The following LRRC4C variants were observed in gnomAD, a reference collection of about 807,000 sequenced individuals.
LRRC4C encodes the protein leucine-rich repeat-containing protein 4C.
In LRRC4C, 5 loss-of-function variants were observed where a neutral mutation model predicts 33.6. The ratio of observed to expected loss-of-function variants is 0.15; its 90% CI spans 0.08 to 0.31. LRRC4C has a LOEUF of 0.31. Ranked by LOEUF, LRRC4C falls within the 10% of genes least tolerant of loss-of-function variation. LRRC4C has a pLI of 1.00. For missense variants in LRRC4C, 560 were observed against 796.7 expected (o/e 0.70, Z 3.58); for synonymous variants, 329 against 302.0 (o/e 1.09, Z -0.93).
intron 1 of LRRC4C, chr11:41,424,043 T>C (rs1047242200): frequency 1.3e-4 from 20 of 152,074 alleles, no homozygotes; most frequent in African/African-American, 4.6e-4. Context: ...TTATCAGCAG[T>C]GTCAAACCAG....
At chr11:40,193,640 G>A (rs955379363) in intron 5 of LRRC4C, among the ~76,000 whole-genome samples, 1 of 152,004 alleles carries the variant, frequency 6.6e-6, no homozygotes, top group African/African-American at 2.4e-5. Flanking sequence ...TCAGAAGGTG[G>A]GTAATAACAA....
At chr11:40,167,731 T>C (rs561278720) in intron 5 of LRRC4C, among the ~76,000 whole-genome samples, 6 of 152,164 alleles carry the variant, frequency 3.9e-5, no homozygotes, top group Middle Eastern at 3.4e-3. Flanking sequence ...GGAAGTCTCT[T>C]GTGGTAGGGC....
intron 1 of LRRC4C, among the ~76,000 whole-genome samples, chr11:41,241,277 G>T (rs1213317833): frequency 6.6e-6 from 1 of 152,046 alleles, no homozygotes; most frequent in East Asian, 1.9e-4. Context: ...ATCATATCCT[G>T]GTGTTCAAAT....
chr11:41,103,989 T>A (rs915464396), intron 1 of LRRC4C, among the ~76,000 whole-genome samples: 3 of 151,910 alleles, frequency 2.0e-5, no homozygotes, highest in African/African-American at 7.2e-5. Flanking sequence ...TCAGAATGGA[T>A]GATAGAACTA....
At chr11:40,497,086 T>A (rs923250422) in intron 3 of LRRC4C, among the ~76,000 whole-genome samples, 1 of 151,930 alleles carries the variant, frequency 6.6e-6, no homozygotes, top group East Asian at 1.9e-4. Flanking sequence ...GGAAGAGAAG[T>A]GTGGTAGGCA....
At chr11:41,101,310 A>G (rs1365618577) in intron 1 of LRRC4C, among the ~76,000 whole-genome samples, 1 of 151,850 alleles carries the variant, frequency 6.6e-6, no homozygotes, top group Admixed American at 6.6e-5. Flanking sequence ...AATTTACAAG[A>G]AAAAAAACCA....
At chr11:40,805,455 C>T (rs1951203712) in intron 2 of LRRC4C, among the ~76,000 whole-genome samples, 2 of 152,100 alleles carry the variant, frequency 1.3e-5, no homozygotes, top group Non-Finnish European at 2.9e-5. Context: ...ATTTGAGTCA[C>T]TTTTCTTTTT....
At chr11:41,145,632 T>A (rs956350774) in intron 1 of LRRC4C, among the ~76,000 whole-genome samples, 2 of 152,130 alleles carry the variant, frequency 1.3e-5, no homozygotes, top group African/African-American at 4.8e-5. Flanking sequence ...TTGTTGACCC[T>A]CCCATATAGT....
chr11:41,170,624 A>T (rs1032522746), intron 1 of LRRC4C, among the ~76,000 whole-genome samples: 2 of 152,230 alleles, frequency 1.3e-5, no homozygotes, highest in Non-Finnish European at 2.9e-5. Context: ...TTAAAGACTT[A>T]AATGTTAGAC....
In LRRC4C at chr11:41,123,256, G is replaced by GTTTTTTTTTTTTTTTTTTTTTT. The variant is rs1456350828; in HGVS notation, c.-495-189534_-495-189533insAAAAAAAAAAAAAAAAAAAAAA. Among the ~76,000 whole-genome samples, 2 of 107,160 alleles carry GTTTTTTTTTTTTTTTTTTTTTT rather than the reference G, an allele frequency of 1.9e-5. 1 individual carries two copies. Among genetic ancestry groups the GTTTTTTTTTTTTTTTTTTTTTT allele is most frequent in the African/African-American group, 7.9e-5 (2 of 25,330 alleles). 70.3% of individuals were successfully genotyped at this position (107,160 alleles called of 152,430 possible). On this transcript the variant is annotated intron_variant, in intron 1 of 6. Transcript: ENST00000528697. ...AAATGCTTTCTCTATCCTGAGCTAT[G>GTTTTTTTTTTTTTTTTTTTTTT]TTTTGTTTTTTTTTTTTTTTTTTTT... is the stretch of plus-strand genomic sequence containing the variant.
At chr11:40,191,462 T>G (rs976254026) in intron 5 of LRRC4C, among the ~76,000 whole-genome samples, 1 of 152,220 alleles carries the variant, frequency 6.6e-6, no homozygotes, top group Admixed American at 6.5e-5. Context: ...ATTTCTTGCA[T>G]GATTGTGGCA....
At chr11:40,738,424 C>A (rs935912181) in intron 2 of LRRC4C, among the ~76,000 whole-genome samples, 13 of 152,086 alleles carry the variant, frequency 8.5e-5, no homozygotes, top group African/African-American at 1.7e-4. Flanking sequence ...TATGTACTAT[C>A]TCTCTTCTAT....
At chr11:41,406,258 A>G (rs1427010604) in intron 1 of LRRC4C, among the ~76,000 whole-genome samples, 4 of 152,188 alleles carry the variant, frequency 2.6e-5, no homozygotes, top group African/African-American at 9.6e-5. Flanking sequence ...AATTTTTGCT[A>G]TAAAGAAGAA....
chr11:40,150,689 C>T lies in LRRC4C; in HGVS notation c.-95-9836G>A, dbSNP rs117159277. Among the ~76,000 whole-genome samples the T allele has an allele frequency of 4.2e-3, 637 of 152,282 alleles. 3 individuals carry two copies. Among genetic ancestry groups the T allele is most frequent in the Non-Finnish European group, 7.3e-3 (494 of 68,026 alleles). The stretch of plus-strand genomic sequence containing the variant: ...AAACCCCTGAGGCTCAAGAAATCCT[C>T]TTGCCTCAGCCTCCCAATGTGCTAG... On this transcript the variant is annotated intron_variant, in intron 5 of 6. Transcript: ENST00000528697.
chr11:40,216,593 C>T (rs948184165), intron 5 of LRRC4C, among the ~76,000 whole-genome samples: 19 of 151,938 alleles, frequency 1.3e-4, no homozygotes, highest in Admixed American at 9.2e-4. Flanking sequence ...AAATGGGAGA[C>T]AGGGGAGGAA....
At chr11:40,450,748 C>A (rs1237939956) in intron 3 of LRRC4C, among the ~76,000 whole-genome samples, 1 of 144,040 alleles carries the variant, frequency 6.9e-6, no homozygotes, top group East Asian at 2.0e-4. Flanking sequence ...ACCTATACAA[C>A]AAACTGGCAC....
chr11:41,269,329 G>C (rs1949248258), intron 1 of LRRC4C, among the ~76,000 whole-genome samples: 1 of 151,860 alleles, frequency 6.6e-6, no homozygotes, highest in South Asian at 2.1e-4. Flanking sequence ...AGGTGCTTTG[G>C]TTCTTTTCTC....
chr11:40,657,052 G>A (rs575513674), intron 2 of LRRC4C, among the ~76,000 whole-genome samples: 4 of 152,248 alleles, frequency 2.6e-5, no homozygotes, highest in African/African-American at 9.6e-5. Flanking sequence ...CAAAAAAAGT[G>A]TAAAAAACCA....
intron 4 of LRRC4C, among the ~76,000 whole-genome samples, chr11:40,248,109 C>T (rs759775882): frequency 1.3e-5 from 2 of 152,096 alleles, no homozygotes; most frequent in Non-Finnish European, 2.9e-5. Flanking sequence ...TATCTTTGCT[C>T]CCCTACCTAG....
Sources: gnomAD v4.1 joint callset for allele counts (sites outside exome capture counted in the v4.1 genomes callset) on GRCh38, gnomAD v4.1.1 for gene constraint, MANE v1.5 for transcripts, NCBI Gene and HGNC (gene_info 2026-07-23, HGNC 2026-07-21) for gene names.